Variants in OXNAD1 observed in about 807,000 individuals in gnomAD.
The protein encoded by OXNAD1 is oxidoreductase NAD binding domain containing 1.
OXNAD1 carries 34 observed loss-of-function variants against 32.9 expected under a neutral mutation model. The ratio of observed to expected loss-of-function variants is 1.03; its 90% CI spans 0.79 to 1.38. The LOEUF is 1.38. Among genes scored for constraint, OXNAD1 ranks in the 40% most tolerant of loss-of-function variants. The probability of loss-of-function intolerance (pLI) is 0.00; values close to 1 mark genes in which losing one functional copy is unlikely to be tolerated. For missense variants in OXNAD1, 407 were observed against 379.4 expected (o/e 1.07, Z -0.60); for synonymous variants, 134 against 135.2 (o/e 0.99, Z 0.06).
chr3:16,272,329 A>G, intron 4 of OXNAD1: 1 of 236,872 alleles, frequency 4.2e-6, no homozygotes, highest in Non-Finnish European at 8.7e-6. Flanking sequence ...TCAGTGAGTA[A>G]CCCCATTTTT....
At position 16,271,285 on chromosome 3, in the gene OXNAD1, C is replaced by A. The variant is rs2064919795; in HGVS notation, c.119+214C>A. The A allele has an allele frequency of 5.2e-6, 3 of 582,280 alleles. No individual in the cohort carries two copies. Among genetic ancestry groups the A allele is most frequent in the East Asian group, 3.0e-5 (1 of 33,236 alleles). 36.1% of individuals were successfully genotyped at this position (582,280 alleles called of 1,614,324 possible). On this transcript the variant is annotated intron_variant, in intron 3 of 8. Transcript: ENST00000285083. This position sits in a 1 kb window ranked among gnomAD's most constrained non-coding sequence, Gnocchi z 4.6. The stretch of plus-strand genomic sequence containing the variant: ...GTGGCACGATCTTAGCTCACTGCAA[C>A]CTCCACCTCCTGGATTCAAGTGATT...
chr3:16,315,686 C>T (rs2068310844), intron 9 of OXNAD1: 2 of 152,228 alleles, frequency 1.3e-5, no homozygotes, highest in African/African-American at 4.8e-5. Flanking sequence ...GCACAGCAAG[C>T]CTAGCTGGCT....
At position 16,288,060 on chromosome 3, in the gene OXNAD1, C is replaced by T. The variant is rs1490072249; in HGVS notation, c.290+1612C>T. Among the ~76,000 whole-genome samples the T allele has an allele frequency of 1.3e-5, 2 of 152,146 alleles. No individual in the cohort carries two copies. The highest frequency in any genetic ancestry group is 3.9e-4 in the East Asian group (2 of 5,188). On this transcript the variant is annotated intron_variant, in intron 5 of 8. Transcript: ENST00000285083. The surrounding 1 kb of genome is among the most constrained non-coding windows in gnomAD (Gnocchi z 5.1). ...CCTCTTTCAACAAATTTTACCCTTA[C>T]CATTGATTTATGGTTCTAGGGGTTG...
intron 5 of OXNAD1, among the ~76,000 whole-genome samples, chr3:16,292,124 A>G (rs1455722575): frequency 6.6e-6 from 1 of 151,762 alleles, no homozygotes; most frequent in Non-Finnish European, 1.5e-5. Flanking sequence ...ATCTGAATAC[A>G]AGAACCTTAA....
chr3:16,341,557 A>G (rs1187648003), downstream of OXNAD1, among the ~76,000 whole-genome samples: 1 of 152,262 alleles, frequency 6.6e-6, no homozygotes, highest in African/African-American at 2.4e-5. The surrounding 1 kb of genome is among the most constrained non-coding windows in gnomAD (Gnocchi z 4.7). Context: ...TACATACTGT[A>G]TGGGAACTCT....
intron 9 of OXNAD1, chr3:16,347,916 G>C (rs926597650): frequency 6.6e-6 from 1 of 152,232 alleles, no homozygotes; most frequent in African/African-American, 2.4e-5. Flanking sequence ...AGGATGTGCT[G>C]CCAGTGAGGG....
rs923302515 is a variant in OXNAD1, at chr3:16,271,402, C to T, written c.120-257C>T. Among the ~76,000 whole-genome samples the T allele has an allele frequency of 5.9e-5, 9 of 152,110 alleles. No homozygotes were observed. The highest frequency in any genetic ancestry group is 2.2e-4 in the African/African-American group (9 of 41,412). On this transcript the variant is annotated intron_variant, in intron 3 of 8. Transcript: ENST00000285083. The surrounding 1 kb of genome is among the most constrained non-coding windows in gnomAD (Gnocchi z 4.6). Reference sequence around the variant, plus strand: ...TATTTTTGGTAGAGAAAGGCTTTCTCCATGTTGGCCAGGCTGGTCTCGTAC... The same window carrying T: ...TATTTTTGGTAGAGAAAGGCTTTCTTCATGTTGGCCAGGCTGGTCTCGTAC...
intron 1 of OXNAD1, among the ~76,000 whole-genome samples, chr3:16,267,504 C>G (rs1039964201): frequency 3.8e-5 from 4 of 105,354 alleles, no homozygotes; most frequent in African/African-American, 1.9e-4. Flanking sequence ...TTTAACATGC[C>G]GGGCTTATTT....
rs192376158 is a variant in OXNAD1 at position 16,285,193 on chromosome 3, C to G, written c.184-1149C>G. ...GATACTTTGAGGTGGTGAGAGAGACCACCATCCATCATGAGAATTATCCAG... is the reference window on the plus strand; with the variant it reads ...GATACTTTGAGGTGGTGAGAGAGACGACCATCCATCATGAGAATTATCCAG... On this transcript the variant is annotated intron_variant, in intron 4 of 8. Coordinates refer to ENST00000285083, the MANE Select transcript of OXNAD1 (RefSeq NM_138381.5). Among the ~76,000 whole-genome samples, 19 of 152,278 alleles carry G rather than the reference C, an allele frequency of 1.2e-4. 1 individual carries two copies. The East Asian group carries it at 3.3e-3, about 26-fold the overall frequency.
chr3:16,318,969 C>T (rs1265029591), intron 9 of OXNAD1, among the ~76,000 whole-genome samples: 1 of 152,220 alleles, frequency 6.6e-6, no homozygotes, highest in Non-Finnish European at 1.5e-5. Context: ...TCTCGAGGCT[C>T]CAAACCCACC....
rs1207591443 is a variant in OXNAD1 at position 16,334,148 on chromosome 3, GA to G, written c.*31-2963del. Among the ~76,000 whole-genome samples the G allele has an allele frequency of 6.6e-6, 1 of 152,202 alleles. No individual in the cohort carries two copies. The highest frequency in any genetic ancestry group is 1.5e-5 in the Non-Finnish European group (1 of 68,042). On this transcript the variant is annotated intron_variant, in intron 9 of 9. Coordinates refer to the OXNAD1 transcript ENST00000435829. The surrounding 1 kb of genome is among the most constrained non-coding windows in gnomAD (Gnocchi z 4.3). ...CCACTGCACTCCAGCCTGGGCGACA[GA>G]GCAAGACTCTGTCTCAAAACAAAAA...
At chr3:16,307,329 C>T (rs535455008), downstream of OXNAD1, among the ~76,000 whole-genome samples, 2 of 152,122 alleles carry the variant, frequency 1.3e-5, no homozygotes, top group African/African-American at 4.8e-5. Context: ...TGATGAGGTT[C>T]GGGGCTCTTA....
At position 16,298,473 on chromosome 3, in the gene OXNAD1, C is replaced by T. The variant is rs750840419; in HGVS notation, c.433-3153C>T. 6.6e-6 allele frequency among the ~76,000 whole-genome samples: 1 copy of T among 152,144 alleles called. No individual in the cohort carries two copies. Among genetic ancestry groups the T allele is most frequent in the Non-Finnish European group, 1.5e-5 (1 of 68,034 alleles). On this transcript the variant is annotated intron_variant, in intron 6 of 8. Transcript: ENST00000285083. The surrounding 1 kb of genome is among the most constrained non-coding windows in gnomAD (Gnocchi z 5.1). ...TGTAGAAAATCTCAAAGTGTTATTG[C>T]CTGAATGCACATCCTAATTGTAGTG...
rs2125006167 is a variant in OXNAD1 at position 16,277,192 on chromosome 3, G to T, written c.183+5470G>T. Among the ~76,000 whole-genome samples the T allele has an allele frequency of 6.6e-6, 1 of 152,178 alleles. No homozygotes were observed. The highest frequency in any genetic ancestry group is 1.9e-4 in the East Asian group (1 of 5,180). On this transcript the variant is annotated intron_variant, in intron 4 of 8. Transcript: ENST00000285083. This position sits in a 1 kb window ranked among gnomAD's most constrained non-coding sequence, Gnocchi z 4.3. Reference sequence around the variant, plus strand: ...TCTGCCCTCCTCGGCCTCCCAAAGTGCTGGGATTACAGGCATGAGCCACAG... The same window carrying T: ...TCTGCCCTCCTCGGCCTCCCAAAGTTCTGGGATTACAGGCATGAGCCACAG...
rs533944974 is a variant in OXNAD1 at position 16,312,445 on chromosome 3, G to T, written c.*30+8853G>T. Among the ~76,000 whole-genome samples the T allele has an allele frequency of 6.6e-6, 1 of 151,228 alleles. No homozygotes were observed. The highest frequency in any genetic ancestry group is 1.9e-4 in the East Asian group (1 of 5,188). The stretch of plus-strand genomic sequence containing the variant: ...GTGGCAACAACTGGGAGTCAGTGCC[G>T]AGCTTCTCCTGGCCACACACACCAG... On this transcript the variant is annotated intron_variant, in intron 9 of 9. Transcript: ENST00000435829. This position sits in a 1 kb window ranked among gnomAD's most constrained non-coding sequence, Gnocchi z 4.7.
Position 16,314,861 on chromosome 3 carries a change from T to A in OXNAD1, c.*30+11269T>A, listed in dbSNP as rs2068226067. 1 of 152,232 alleles carries A rather than the reference T, an allele frequency of 6.6e-6. No homozygotes were observed. The highest frequency in any genetic ancestry group is 2.4e-5 in the African/African-American group (1 of 41,456). The allele number at this position is 152,232 out of a possible 1,614,324, so 9.4% of individuals were successfully genotyped here. A position where few individuals can be genotyped will look rare whatever the true frequency, so the allele number is the denominator to read the frequency against. Reference sequence around the variant, plus strand: ...TGTCCTGGCCTGTTGCTGACTAGCATATATTTTTAAAATCATGATCCTTTA... The same window carrying A: ...TGTCCTGGCCTGTTGCTGACTAGCAAATATTTTTAAAATCATGATCCTTTA... On this transcript the variant is annotated intron_variant, in intron 9 of 9. Transcript: ENST00000435829. The surrounding 1 kb of genome is among the most constrained non-coding windows in gnomAD (Gnocchi z 4.4).
intron 1 of OXNAD1, among the ~76,000 whole-genome samples, chr3:16,267,504 C>T (rs1039964201): frequency 1.9e-5 from 2 of 105,354 alleles, no homozygotes; most frequent in African/African-American, 9.5e-5. Context: ...TTTAACATGC[C>T]GGGCTTATTT....
At chr3:16,268,486 C>T (rs919887383) in intron 1 of OXNAD1, among the ~76,000 whole-genome samples, 1 of 151,792 alleles carries the variant, frequency 6.6e-6, no homozygotes, top group African/African-American at 2.4e-5. Context: ...CCCGACACCA[C>T]ACCTAGCTAA....
chr3:16,294,355 C>A (rs2066624778), intron 5 of OXNAD1, among the ~76,000 whole-genome samples: 1 of 151,972 alleles, frequency 6.6e-6, no homozygotes, highest in Non-Finnish European at 1.5e-5. Flanking sequence ...GGCATGCGTC[C>A]CTACGCCTGG....
Sources: allele counts gnomAD v4.1 joint callset (sites outside exome capture counted in the v4.1 genomes callset), GRCh38; gene constraint gnomAD v4.1.1; non-coding constraint Gnocchi (gnomAD v3.1); transcripts MANE v1.5; gene names NCBI Gene and HGNC (gene_info 2026-07-23, HGNC 2026-07-21).